Variants in RPH3AL observed in about 807,000 individuals in gnomAD.
RPH3AL encodes the protein rab effector Noc2.
A neutral mutation model predicts 43.1 loss-of-function variants in RPH3AL; 38 were observed. That is an observed-to-expected ratio of 0.88 (90% CI 0.68 to 1.15). RPH3AL has a LOEUF of 1.15. RPH3AL is among the 50% of genes most tolerant of loss of function. The probability of loss-of-function intolerance (pLI) is 0.00; values close to 1 mark genes in which losing one functional copy is unlikely to be tolerated. For missense variants in RPH3AL, 462 were observed against 423.2 expected (o/e 1.09, Z -0.81); for synonymous variants, 189 against 176.3 (o/e 1.07, Z -0.57).
At chr17:220,365 T>A (rs71372154) in intron 7 of RPH3AL, among the ~76,000 whole-genome samples, 141 of 77,744 alleles carry the variant, frequency 1.8e-3, no homozygotes, top group Middle Eastern at 0.013. Flanking sequence ...CCCAAGCACA[T>A]CAGCTCTGAG....
chr17:351,972 G>T (rs527512000), intron 1 of RPH3AL, among the ~76,000 whole-genome samples: 60 of 152,302 alleles, frequency 3.9e-4, no homozygotes, highest in African/African-American at 1.4e-3. Flanking sequence ...CGTACAGGCC[G>T]TGCTTACATC....
intron 5 of RPH3AL, among the ~76,000 whole-genome samples, chr17:296,792 G>A (rs951218570): frequency 1.3e-5 from 2 of 152,218 alleles, no homozygotes; most frequent in Non-Finnish European, 2.9e-5. Flanking sequence ...AGGGTTCTAC[G>A]TGTATCAAAA....
At chr17:256,020 C>T (rs200582861) in intron 6 of RPH3AL, among the ~76,000 whole-genome samples, 2,935 of 42,302 alleles carry the variant, frequency 0.069, 3 homozygotes, top group South Asian at 0.11. Flanking sequence ...TCCCTAGGAA[C>T]GTGACTACCC....
At position 283,069 on chromosome 17, in the gene RPH3AL, G is replaced by C. The variant is rs2151608654; in HGVS notation, c.352-1215C>G. 6.6e-6 allele frequency among the ~76,000 whole-genome samples: 1 copy of C among 152,300 alleles called. No individual in the cohort carries two copies. Among genetic ancestry groups the C allele is most frequent in the Non-Finnish European group, 1.5e-5 (1 of 68,038 alleles). On this transcript the variant is annotated intron_variant, in intron 5 of 9. Coordinates refer to ENST00000331302, the MANE Select transcript of RPH3AL (RefSeq NM_006987.4). This position sits in a 1 kb window ranked among gnomAD's most constrained non-coding sequence, Gnocchi z 4.2. The stretch of plus-strand genomic sequence containing the variant: ...GCTAACCCAGGCAGAGTCTGATTCA[G>C]CGATCGCTGGCGACTCCTCAGGACT...
chr17:320,450 A>C (rs566758713), intron 4 of RPH3AL, among the ~76,000 whole-genome samples: 3 of 151,906 alleles, frequency 2.0e-5, no homozygotes, highest in Non-Finnish European at 4.4e-5. Context: ...AGCCTGGGTA[A>C]CATAGTGAGA....
chr17:294,395 A>G (rs1037685334), intron 5 of RPH3AL, among the ~76,000 whole-genome samples: 12 of 152,250 alleles, frequency 7.9e-5, no homozygotes, highest in Non-Finnish European at 1.2e-4. Context: ...TCGAGGCTGC[A>G]GTGAGTTGTG....
chr17:351,975 CT>C (rs2045362226), intron 1 of RPH3AL, among the ~76,000 whole-genome samples: 3 of 152,316 alleles, frequency 2.0e-5, no homozygotes, highest in African/African-American at 7.2e-5. Flanking sequence ...ACAGGCCGTG[CT>C]TACATCCTGA....
At chr17:298,225 C>T (rs1246992642) in intron 5 of RPH3AL, among the ~76,000 whole-genome samples, 2 of 152,204 alleles carry the variant, frequency 1.3e-5, no homozygotes, top group Admixed American at 6.5e-5. Context: ...AGCTCTGCCC[C>T]CACCAGCTCA....
Position 219,653 on chromosome 17 carries a change from G to T in RPH3AL, c.697C>A (p.Arg233=). ...DRLPSTGVRD[R]KGDKPWKESG... Reference sequence around the variant, plus strand: ...TCCTTCCAGGGTTTGTCGCCTTTCCGGTCCCTGACCCCAGTGGATGGGAGT... The same window carrying T: ...TCCTTCCAGGGTTTGTCGCCTTTCCTGTCCCTGACCCCAGTGGATGGGAGT... Residue 233 remains arginine (R), a synonymous_variant, in exon 8 of 10, where the codon CGG becomes AGG. Transcript: ENST00000331302. The T allele has an allele frequency of 6.2e-7, 1 of 1,608,994 alleles. No homozygotes were observed. The highest frequency in any genetic ancestry group is 8.5e-7 in the Non-Finnish European group (1 of 1,178,430).
intron 7 of RPH3AL, among the ~76,000 whole-genome samples, chr17:224,358 C>T (rs536720855): frequency 1.3e-5 from 2 of 152,378 alleles, no homozygotes; most frequent in Admixed American, 6.5e-5. Context: ...CAGCCTCCTG[C>T]GGCTTGTGGC....
intron 5 of RPH3AL, among the ~76,000 whole-genome samples, chr17:310,647 C>T (rs1490237804): frequency 6.6e-6 from 1 of 152,188 alleles, no homozygotes; most frequent in Admixed American, 6.5e-5. Flanking sequence ...AGAGCCCTTC[C>T]AGCCCCCCAG....
At chr17:285,018 C>T (rs2042872359) in intron 5 of RPH3AL, among the ~76,000 whole-genome samples, 1 of 152,224 alleles carries the variant, frequency 6.6e-6, no homozygotes, top group Admixed American at 6.5e-5. Context: ...AAGCCCCCAT[C>T]TCCAAATATC....
chr17:223,929 T>C (rs1272523321), intron 7 of RPH3AL, among the ~76,000 whole-genome samples: 1 of 150,176 alleles, frequency 6.7e-6, no homozygotes, highest in African/African-American at 2.5e-5. Flanking sequence ...ACACAGTAGG[T>C]TCACCCCCAG....
At chr17:248,603 G>T (rs574635487) in intron 6 of RPH3AL, among the ~76,000 whole-genome samples, 1 of 152,328 alleles carries the variant, frequency 6.6e-6, no homozygotes, top group African/African-American at 2.4e-5. Context: ...GGTGGGAGGT[G>T]CTCTGGGTCT....
intron 7 of RPH3AL, among the ~76,000 whole-genome samples, chr17:243,651 C>T (rs866870760): frequency 0.011 from 550 of 51,432 alleles, no homozygotes; most frequent in African/African-American, 0.037. Context: ...TATTGATTAC[C>T]CTTCCTCTAT....
chr17:324,749 A>G (rs2044576455), intron 3 of RPH3AL, among the ~76,000 whole-genome samples: 2 of 150,184 alleles, frequency 1.3e-5, no homozygotes, highest in African/African-American at 4.9e-5. Flanking sequence ...ATTTTGAGAC[A>G]GAGTCTCGGT....
chr17:340,261 C>T (rs941416449), intron 1 of RPH3AL, among the ~76,000 whole-genome samples: 1 of 152,056 alleles, frequency 6.6e-6, no homozygotes, highest in Non-Finnish European at 1.5e-5. Flanking sequence ...GAGTTCATGG[C>T]CATCCACAGA....
intron 5 of RPH3AL, among the ~76,000 whole-genome samples, chr17:286,713 A>C (rs2042922160): frequency 2.0e-5 from 3 of 152,178 alleles, no homozygotes; most frequent in Admixed American, 2.0e-4. Flanking sequence ...CCCGGGGCCC[A>C]GGGGTGGCCA....
At chr17:316,271 T>C (rs1331357724) in intron 5 of RPH3AL, among the ~76,000 whole-genome samples, 1,271 of 7,400 alleles carry the variant, frequency 0.17, 11 homozygotes, top group Admixed American at 0.32. Flanking sequence ...TGTGACTCCA[T>C]CTCCAGTGAT....
Sources: gnomAD v4.1 joint callset for allele counts (sites outside exome capture counted in the v4.1 genomes callset) on GRCh38, gnomAD v4.1.1 for gene constraint, Gnocchi (gnomAD v3.1) non-coding constraint, MANE v1.5 for transcripts, NCBI Gene and HGNC (gene_info 2026-07-23, HGNC 2026-07-21) for gene names.